PTPRZ1: variants seen among roughly 807,000 people sequenced by gnomAD.
PTPRZ1 encodes the protein receptor-type tyrosine-protein phosphatase zeta.
Under a neutral mutation model 214.1 loss-of-function variants are expected in PTPRZ1, and 82 were observed. The observed-to-expected ratio is 0.38, with a 90% confidence interval of 0.32 to 0.46. The LOEUF is 0.46. Ranked by LOEUF, PTPRZ1 falls within the 20% of genes least tolerant of loss-of-function variation. The probability of loss-of-function intolerance (pLI) is 1.00; values close to 1 mark genes in which losing one functional copy is unlikely to be tolerated. For missense variants in PTPRZ1, 2,603 were observed against 2,748.7 expected (o/e 0.95, Z 1.19); for synonymous variants, 945 against 987.9 (o/e 0.96, Z 0.81).
intron 1 of PTPRZ1, among the ~76,000 whole-genome samples, chr7:121,905,931 A>C (rs1795103673): frequency 6.6e-6 from 1 of 152,156 alleles, no homozygotes; most frequent in Non-Finnish European, 1.5e-5. Context: ...GATGATAGTG[A>C]GTACAAGTAG....
intron 13 of PTPRZ1, among the ~76,000 whole-genome samples, chr7:122,022,329 T>C (rs755660088): frequency 6.6e-6 from 1 of 152,226 alleles, no homozygotes; most frequent in Non-Finnish European, 1.5e-5. Context: ...TTTTGATAAA[T>C]GTGTATTCAA....
At position 122,012,724 on chromosome 7, in the gene PTPRZ1, A is replaced by G. The variant is rs1584741639; in HGVS notation, c.3678A>G (p.Val1226=). Residue 1226 remains valine (V), a synonymous_variant, in exon 12 of 30, where the codon GTA becomes GTG. Transcript: ENST00000393386. ...KISSTMLHLI[V]SNSASSENML... Reference sequence around the variant, plus strand: ...GTTCTACAATGTTGCATCTCATTGTATCAAATTCTGCTTCAAGTGAAAACA... The same window carrying G: ...GTTCTACAATGTTGCATCTCATTGTGTCAAATTCTGCTTCAAGTGAAAACA... The G allele has an allele frequency of 6.8e-6, 11 of 1,609,664 alleles. No individual in the cohort carries two copies. The highest frequency in any genetic ancestry group is 2.2e-5 in the South Asian group (2 of 90,988).
intron 1 of PTPRZ1, among the ~76,000 whole-genome samples, chr7:121,880,016 C>A (rs1483850064): frequency 1.3e-5 from 2 of 152,136 alleles, no homozygotes; most frequent in East Asian, 3.8e-4. Flanking sequence ...CTATTTGAAA[C>A]CATTAGTTAA....
Position 122,011,975 on chromosome 7 carries a change from A to G in PTPRZ1, c.2929A>G (p.Ile977Val), listed in dbSNP as rs776426846. ...TATACCAATACCTAAGTCTTCGTTA[A>G]TAACCCCAACTGCATCATTACTGCA... ...SHIPIPKSSL[I>V]TPTASLLQPT... Residue 977 changes from isoleucine to valine, a missense_variant, in exon 12 of 30, where the codon ATA becomes GTA. Physicochemically the swap from Ile to Val is conservative, Grantham distance 29 (BLOSUM62 3). Transcript: ENST00000393386. The G allele has an allele frequency of 3.7e-6, 6 of 1,614,060 alleles. No individual in the cohort carries two copies. The Admixed American group carries it at 6.7e-5, about 18-fold the overall frequency.
Position 122,036,620 on chromosome 7 carries a change from C to T in PTPRZ1, c.5305C>T (p.Leu1769=). The change falls in exon 18 of 30, where the codon CTA becomes TTA. Residue 1769 remains leucine (L), a synonymous_variant. Transcript: ENST00000393386. ...TACAGATGATCATAGCAGGGTTAAG[C>T]TAGCACAGCTTGCTGAAAAGGATGG... ...IVAYDHSRVK[L]AQLAEKDGKL... 1 of 1,605,478 alleles carries T rather than the reference C, an allele frequency of 6.2e-7. No individual in the cohort carries two copies. Among genetic ancestry groups the T allele is most frequent in the Non-Finnish European group, 8.5e-7 (1 of 1,172,278 alleles).
intron 1 of PTPRZ1, among the ~76,000 whole-genome samples, chr7:121,883,904 G>T (rs1022799008): frequency 6.6e-6 from 1 of 152,170 alleles, no homozygotes; most frequent in Non-Finnish European, 1.5e-5. Context: ...GGGATTACAG[G>T]TGTGAGCCAC....
chr7:122,018,700 G>C (rs1013499304), intron 12 of PTPRZ1, among the ~76,000 whole-genome samples: 34 of 151,380 alleles, frequency 2.2e-4, no homozygotes, highest in African/African-American at 8.2e-4. Flanking sequence ...CCTAATGCAG[G>C]GTTAAAAATA....
chr7:122,024,647 A>C (rs188796680), intron 13 of PTPRZ1, among the ~76,000 whole-genome samples: 2 of 151,812 alleles, frequency 1.3e-5, no homozygotes, highest in Middle Eastern at 3.2e-3. Context: ...AAGGTCTTTT[A>C]GGGAAATTAA....
chr7:121,996,361 T>G, intron 8 of PTPRZ1, 21 bp from the exon 9 acceptor site: 1 of 1,562,362 alleles, frequency 6.4e-7, no homozygotes, highest in Non-Finnish European at 8.7e-7. Context: ...TATCAACAAC[T>G]GTACTTTTTT....
rs541075413 is a variant in PTPRZ1, at chr7:121,891,209, C to T, written c.58+17652C>T. On this transcript the variant is annotated intron_variant, in intron 1 of 29. Coordinates refer to ENST00000393386, the MANE Select transcript of PTPRZ1 (RefSeq NM_002851.3). ...TTTTTCATTTGAGGACTTCCCTGGA[C>T]ACACTGCAGTGATATTGCAACCACC... Among the ~76,000 whole-genome samples, 231 of 152,210 alleles carry T rather than the reference C, an allele frequency of 1.5e-3. 1 individual carries two copies. Among genetic ancestry groups the T allele is most frequent in the South Asian group, 6.0e-3 (29 of 4,820 alleles).
In PTPRZ1 at chr7:122,010,341, A is replaced by T; in HGVS notation, c.1295A>T (p.Glu432Val). The T allele has an allele frequency of 6.3e-7, 1 of 1,598,338 alleles. No individual in the cohort carries two copies. The highest frequency in any genetic ancestry group is 8.5e-7 in the Non-Finnish European group (1 of 1,174,892). Residue 432 changes from glutamate (E) to valine (V), a missense_variant, in exon 12 of 30, where the codon GAA (glutamate) becomes GTA (valine). Coordinates refer to ENST00000393386, the MANE Select transcript of PTPRZ1 (RefSeq NM_002851.3). ...IGTEEIIKEE[E>V]EGKDIEEGAI... ...CTTGTTTGCTTTTCAAAGGAGGAGGAAGAGGGAAAAGACATTGAAGAAGGC... is the reference window on the plus strand; with the variant it reads ...CTTGTTTGCTTTTCAAAGGAGGAGGTAGAGGGAAAAGACATTGAAGAAGGC...
intron 2 of PTPRZ1, among the ~76,000 whole-genome samples, chr7:121,938,762 A>C (rs1364348852): frequency 6.6e-6 from 1 of 152,152 alleles, no homozygotes; most frequent in African/African-American, 2.4e-5. Flanking sequence ...GGTGGAGAGA[A>C]AAGTGTCTTC....
At chr7:122,054,401 C>T (rs1792286240) in intron 26 of PTPRZ1, among the ~76,000 whole-genome samples, 2 of 151,830 alleles carry the variant, frequency 1.3e-5, no homozygotes, top group African/African-American at 4.8e-5. Context: ...AAGGAGGTCT[C>T]TAATTTTTTC....
At chr7:121,989,303 C>A (rs1797868196) in intron 8 of PTPRZ1, among the ~76,000 whole-genome samples, 1 of 151,812 alleles carries the variant, frequency 6.6e-6, no homozygotes. Flanking sequence ...CTGTTTCCAT[C>A]ACGAGTCTTT....
At chr7:122,042,136 G>T (rs1584770922) in intron 21 of PTPRZ1, among the ~76,000 whole-genome samples, 1 of 152,126 alleles carries the variant, frequency 6.6e-6, no homozygotes, top group African/African-American at 2.4e-5. Flanking sequence ...TCAGCAGAAA[G>T]CTTTATCAAA....
At chr7:121,968,170 C>A in intron 3 of PTPRZ1, 40 bp downstream of exon 3, 1 of 1,519,972 alleles carries the variant, frequency 6.6e-7, no homozygotes. Context: ...ATATATTTTT[C>A]AGACCTGGAG....
chr7:121,985,623 C>G (rs537247899), intron 8 of PTPRZ1, among the ~76,000 whole-genome samples: 1 of 152,298 alleles, frequency 6.6e-6, no homozygotes, highest in South Asian at 2.1e-4. Flanking sequence ...TCTTCATTTC[C>G]CTGCCTCCTC....
chr7:121,980,032 A>G (rs2116555776), intron 6 of PTPRZ1, among the ~76,000 whole-genome samples: 1 of 152,246 alleles, frequency 6.6e-6, no homozygotes, highest in South Asian at 2.1e-4. Flanking sequence ...AAATGAAAAA[A>G]AAAAAATCTT....
At chr7:121,946,268 T>G (rs1450722606) in intron 2 of PTPRZ1, among the ~76,000 whole-genome samples, 1 of 152,204 alleles carries the variant, frequency 6.6e-6, no homozygotes, top group African/African-American at 2.4e-5. Flanking sequence ...AACACATCCC[T>G]AGGTATTCCT....
Sources: gnomAD v4.1 joint callset for allele counts (sites outside exome capture counted in the v4.1 genomes callset) on GRCh38, gnomAD v4.1.1 for gene constraint, MANE v1.5 for transcripts, NCBI Gene and HGNC (gene_info 2026-07-23, HGNC 2026-07-21) for gene names.